Variants in ANXA4 observed in about 807,000 individuals in gnomAD.
ANXA4 encodes the protein 35-beta calcimedin.
Under a neutral mutation model 49.8 loss-of-function variants are expected in ANXA4, and 39 were observed. The observed-to-expected ratio is 0.78, with a 90% CI of 0.61 to 1.02. The LOEUF (loss-of-function observed/expected upper bound fraction) is 1.02. ANXA4 is among the 50% of genes least tolerant of loss of function. The pLI is 0.00. For missense variants in ANXA4, 360 were observed against 410.1 expected (o/e 0.88, Z 1.05); for synonymous variants, 134 against 152.5 (o/e 0.88, Z 0.89).
chr2:69,759,272 T>C (rs562402813), intron 1 of ANXA4, among the ~76,000 whole-genome samples: 35 of 152,100 alleles, frequency 2.3e-4, no homozygotes, highest in South Asian at 4.2e-4. Flanking sequence ...GTATAAAATA[T>C]AGAAAATTAA....
intron 2 of ANXA4, among the ~76,000 whole-genome samples, chr2:69,658,544 C>A (rs1200765893): frequency 6.6e-6 from 1 of 152,170 alleles, no homozygotes; most frequent in East Asian, 1.9e-4. Flanking sequence ...GCTATTATTT[C>A]TCTTAGAGGT....
chr2:69,768,519 A>G (rs945739585), intron 1 of ANXA4, among the ~76,000 whole-genome samples: 4 of 152,318 alleles, frequency 2.6e-5, no homozygotes, highest in Non-Finnish European at 4.4e-5. Flanking sequence ...TCTTAAACCT[A>G]CAAGGCATAG....
At chr2:69,672,030 G>A (rs751114779) in intron 2 of ANXA4, among the ~76,000 whole-genome samples, 2 of 152,120 alleles carry the variant, frequency 1.3e-5, no homozygotes, top group Admixed American at 6.6e-5. Context: ...TCTTGAGGAT[G>A]GGTAGCAGGA....
At chr2:69,754,626 G>T (rs1027070174) in intron 1 of ANXA4, among the ~76,000 whole-genome samples, 10 of 152,084 alleles carry the variant, frequency 6.6e-5, no homozygotes, top group Admixed American at 5.9e-4. Flanking sequence ...TAGATCTAGG[G>T]TTGGGCCTAA....
intron 5 of ANXA4, among the ~76,000 whole-genome samples, chr2:69,807,333 G>A (rs2124009): frequency 6.6e-6 from 1 of 151,964 alleles, no homozygotes; most frequent in African/African-American, 2.4e-5. Context: ...TGGCAAAAGA[G>A]TTCCTGGCTT....
intron 1 of ANXA4, among the ~76,000 whole-genome samples, chr2:69,761,626 A>T (rs897220524): frequency 6.6e-6 from 1 of 152,074 alleles, no homozygotes; most frequent in Non-Finnish European, 1.5e-5. Flanking sequence ...CTTTGTTTTA[A>T]ATCTTAAAAC....
intron 2 of ANXA4, among the ~76,000 whole-genome samples, chr2:69,706,748 G>A (rs193004009): frequency 2.1e-3 from 321 of 152,238 alleles, no homozygotes; most frequent in Non-Finnish European, 3.4e-3. Context: ...CATACTATAC[G>A]TGACCTTTTG....
intron 1 of ANXA4, among the ~76,000 whole-genome samples, chr2:69,647,349 T>TA (rs986211148): frequency 6.6e-5 from 10 of 151,586 alleles, no homozygotes; most frequent in African/African-American, 1.9e-4. Flanking sequence ...TTATGGAATT[T>TA]AAAAAATATA....
chr2:69,738,774 G>T (rs143210684), upstream of ANXA4, among the ~76,000 whole-genome samples: 34 of 151,910 alleles, frequency 2.2e-4, no homozygotes, highest in Non-Finnish European at 4.3e-4. Context: ...TGCCAGTTGA[G>T]ACCAACCTTC....
chr2:69,765,926 G>GA (rs1392169271), intron 1 of ANXA4, among the ~76,000 whole-genome samples: 1 of 152,184 alleles, frequency 6.6e-6, no homozygotes. Context: ...GGCTTCGGGG[G>GA]CAGCCAGTTC....
chr2:69,741,545 C>G (rs1307823662), upstream of ANXA4, among the ~76,000 whole-genome samples: 2 of 152,248 alleles, frequency 1.3e-5, no homozygotes, highest in Non-Finnish European at 2.9e-5. Context: ...GTGCTGGAAA[C>G]TTTTGGGAAT....
At chr2:69,650,845 T>G (rs1363183827) in intron 1 of ANXA4, among the ~76,000 whole-genome samples, 1 of 152,226 alleles carries the variant, frequency 6.6e-6, no homozygotes, top group Non-Finnish European at 1.5e-5. Flanking sequence ...GAAATCGATT[T>G]CATTTTGTTA....
chr2:69,769,812 G>A (rs2105552961), intron 1 of ANXA4, among the ~76,000 whole-genome samples: 1 of 152,192 alleles, frequency 6.6e-6, no homozygotes, highest in East Asian at 1.9e-4. Context: ...ACAGGCACGT[G>A]CCACCACACC....
chr2:69,656,348 T>C (rs1437121435), intron 2 of ANXA4, among the ~76,000 whole-genome samples: 4 of 109,862 alleles, frequency 3.6e-5, no homozygotes, highest in East Asian at 3.7e-4. Flanking sequence ...TATATATGTG[T>C]ATATATGTGT....
At chr2:69,763,261 T>G (rs1205979373) in intron 1 of ANXA4, among the ~76,000 whole-genome samples, 1 of 152,136 alleles carries the variant, frequency 6.6e-6, no homozygotes, top group African/African-American at 2.4e-5. Flanking sequence ...ACTTGATGAC[T>G]TCGGGGCGCG....
chr2:69,801,207 C>G (rs1056565055), intron 3 of ANXA4, among the ~76,000 whole-genome samples: 4 of 152,242 alleles, frequency 2.6e-5, no homozygotes, highest in Middle Eastern at 3.4e-3. Flanking sequence ...GGTGGACATG[C>G]CTGGCCCCCA....
chr2:69,738,354 T>G (rs6745470), upstream of ANXA4, among the ~76,000 whole-genome samples: 765 of 152,296 alleles, frequency 5.0e-3, 8 homozygotes, highest in African/African-American at 0.017. Flanking sequence ...GAGTTTGAAC[T>G]TGGCTGCCAG....
intron 3 of ANXA4, among the ~76,000 whole-genome samples, chr2:69,793,435 TA>T (rs901915755): frequency 3.9e-5 from 6 of 152,198 alleles, no homozygotes; most frequent in African/African-American, 4.8e-5. Flanking sequence ...ACTTTTCCCT[TA>T]AAAATGTTTG....
intron 1 of ANXA4, among the ~76,000 whole-genome samples, chr2:69,760,978 A>C (rs1156866523): frequency 1.3e-5 from 2 of 151,488 alleles, no homozygotes; most frequent in African/African-American, 4.9e-5. Flanking sequence ...CCTGGGCAAC[A>C]TAGTGACACC....
Sources: gnomAD v4.1 joint callset for allele counts (sites outside exome capture counted in the v4.1 genomes callset) on GRCh38, gnomAD v4.1.1 for gene constraint, MANE v1.5 for transcripts, NCBI Gene and HGNC (gene_info 2026-07-23, HGNC 2026-07-21) for gene names.